The following ENPP2 variants were observed in gnomAD, a reference collection of about 807,000 sequenced individuals.
ENPP2 encodes autotaxin.
ENPP2 carries 51 observed loss-of-function variants against 120.2 expected under a neutral mutation model. The observed-to-expected ratio is 0.42, with a 90% CI of 0.34 to 0.54. The LOEUF (loss-of-function observed/expected upper bound fraction) is 0.54, where lower values mean the gene tolerates loss of function less well. Ranked by LOEUF, ENPP2 falls within the 20% of genes least tolerant of loss-of-function variation. ENPP2 has a pLI of 0.04. For missense variants in ENPP2, 920 were observed against 1,066.5 expected (o/e 0.86, Z 1.91); for synonymous variants, 365 against 366.4 (o/e 1.00, Z 0.04).
At chr8:119,584,335 C>T (rs1812958941) in intron 15 of ENPP2, among the ~76,000 whole-genome samples, 1 of 152,160 alleles carries the variant, frequency 6.6e-6, no homozygotes, top group Non-Finnish European at 1.5e-5. Context: ...AAGTCATGCT[C>T]TGCCTGTCTA....
intron 1 of ENPP2, among the ~76,000 whole-genome samples, chr8:119,667,938 C>T (rs947552284): frequency 5.9e-5 from 9 of 152,166 alleles, no homozygotes; most frequent in Non-Finnish European, 1.2e-4. Flanking sequence ...GTCCCTTGCA[C>T]AGCTCACTGA....
At chr8:119,592,676 C>A (rs191679091) in intron 12 of ENPP2, among the ~76,000 whole-genome samples, 75 of 151,948 alleles carry the variant, frequency 4.9e-4, no homozygotes, top group African/African-American at 1.6e-3. Flanking sequence ...GCTCTTGACA[C>A]CTCTGGGCAA....
At chr8:119,629,162 T>A (rs1816483449) in intron 2 of ENPP2, among the ~76,000 whole-genome samples, 2 of 152,104 alleles carry the variant, frequency 1.3e-5, no homozygotes, top group African/African-American at 4.8e-5. Flanking sequence ...TGTGTGGGTA[T>A]GTGTATATGT....
rs796980426 is a variant in ENPP2, at chr8:119,668,435, T to C, written c.21+4817A>G. Among the ~76,000 whole-genome samples the C allele has an allele frequency of 7.8e-5, 11 of 141,428 alleles. 1 individual carries two copies. In the South Asian group the frequency reaches 2.3e-3, roughly 29 times the overall value. 92.8% of individuals were successfully genotyped at this position (141,428 alleles called of 152,430 possible). Reference sequence around the variant, plus strand: ...TCTTTTTCTTTTTCTTTTTCTTTTTTTTTTTTTTTTTTGAGACAGAGTCTC... The same window carrying C: ...TCTTTTTCTTTTTCTTTTTCTTTTTCTTTTTTTTTTTTGAGACAGAGTCTC... On this transcript the variant is annotated intron_variant, in intron 1 of 25. Transcript: ENST00000427067.
At chr8:119,641,156 T>C (rs1424381165), upstream of ENPP2, among the ~76,000 whole-genome samples, 1 of 152,216 alleles carries the variant, frequency 6.6e-6, no homozygotes, top group African/African-American at 2.4e-5. Flanking sequence ...CACACAAGCA[T>C]ATATGTGCAT....
chr8:119,626,762 T>A, intron 2 of ENPP2, 42 bp from the exon 3 acceptor site: 1 of 1,595,226 alleles, frequency 6.3e-7, no homozygotes. Flanking sequence ...TGGAGAGTGG[T>A]CATGTCACCA....
intron 23 of ENPP2, among the ~76,000 whole-genome samples, chr8:119,563,967 A>C (rs888105017): frequency 6.6e-6 from 1 of 150,688 alleles, no homozygotes; most frequent in Non-Finnish European, 1.5e-5. Context: ...TGAATTTGTC[A>C]ACAAATTTGT....
intron 11 of ENPP2, among the ~76,000 whole-genome samples, chr8:119,599,741 C>A (rs1814152705): frequency 1.3e-5 from 2 of 152,148 alleles, no homozygotes. Context: ...TGTGGTGGCT[C>A]ACGCCTGCAA....
rs376030182 is a variant in ENPP2, at chr8:119,626,528, T to A, written c.292+37A>T. On this transcript the variant is annotated intron_variant, in intron 3 of 24. Transcript: ENST00000075322. ...ACAATAGCAGGCAGTCTTTAAGCCA[T>A]CTACTTGAAGGTAGAGAGGACTCAT... 42 of 1,589,686 alleles carry A rather than the reference T, an allele frequency of 2.6e-5. No individual in the cohort carries two copies. In the African/African-American group the frequency reaches 5.5e-4, roughly 21 times the overall value.
intron 15 of ENPP2, among the ~76,000 whole-genome samples, chr8:119,585,262 G>A (rs183846089): frequency 7.2e-5 from 11 of 152,082 alleles, no homozygotes; most frequent in African/African-American, 2.2e-4. Context: ...CCTGTTCTTC[G>A]TACATCTTTC....
chr8:119,605,397 T>C (rs1489297005), intron 9 of ENPP2, among the ~76,000 whole-genome samples: 4 of 150,394 alleles, frequency 2.7e-5, no homozygotes, highest in Admixed American at 6.6e-5. Flanking sequence ...GCTCATTGCA[T>C]CTTTGCAACA....
intron 17 of ENPP2, among the ~76,000 whole-genome samples, chr8:119,583,096 A>T (rs1418144066): frequency 6.6e-6 from 1 of 152,164 alleles, no homozygotes; most frequent in Non-Finnish European, 1.5e-5. Context: ...CCACTGAGCA[A>T]TGAACAGGCT....
chr8:119,596,225 C>G (rs568578888), intron 11 of ENPP2, among the ~76,000 whole-genome samples: 1 of 152,162 alleles, frequency 6.6e-6, no homozygotes, highest in Non-Finnish European at 1.5e-5. Flanking sequence ...TCGCTGAGAA[C>G]AAGAATCCAA....
At chr8:119,560,604 T>TC (rs1813852800) in intron 24 of ENPP2, among the ~76,000 whole-genome samples, 12 of 152,196 alleles carry the variant, frequency 7.9e-5, no homozygotes, top group Admixed American at 7.2e-4. Flanking sequence ...ATGTTCAGTC[T>TC]CCTCCATTTC....
At chr8:119,600,808 C>G in intron 10 of ENPP2, 58 bp from the exon 11 acceptor site, 1 of 956,510 alleles carries the variant, frequency 1.0e-6, no homozygotes, top group Non-Finnish European at 1.7e-6. Flanking sequence ...CAAAAAATAT[C>G]ACATATTTTT....
chr8:119,652,924 C>T (rs779066311), intron 1 of ENPP2, among the ~76,000 whole-genome samples: 43 of 152,294 alleles, frequency 2.8e-4, no homozygotes, highest in Admixed American at 5.9e-4. Flanking sequence ...CAACTTTGCA[C>T]TAGGAGAGAC....
At chr8:119,585,637 T>C (rs900505506) in intron 15 of ENPP2, among the ~76,000 whole-genome samples, 1 of 152,186 alleles carries the variant, frequency 6.6e-6, no homozygotes, top group Non-Finnish European at 1.5e-5. Context: ...AGACATGTCC[T>C]AGACCACATT....
intron 19 of ENPP2, among the ~76,000 whole-genome samples, chr8:119,573,407 T>TAAA (rs1563680979): frequency 2.8e-5 from 2 of 71,502 alleles, no homozygotes; most frequent in African/African-American, 1.4e-4. Context: ...GCTCCGTCTC[T>TAAA]TAAAAAAAAA....
chr8:119,621,851 A>G (rs1340493014), intron 3 of ENPP2, among the ~76,000 whole-genome samples: 1 of 152,202 alleles, frequency 6.6e-6, no homozygotes, highest in African/African-American at 2.4e-5. Flanking sequence ...TGATAGGGCT[A>G]TCTACTGTTG....
Sources: allele counts gnomAD v4.1 joint callset (sites outside exome capture counted in the v4.1 genomes callset), GRCh38; gene constraint gnomAD v4.1.1; transcripts MANE v1.5; gene names NCBI Gene and HGNC (gene_info 2026-07-23, HGNC 2026-07-21).